Variants in WNT3 observed in about 807,000 individuals in gnomAD.
The protein encoded by WNT3 is proto-oncogene Wnt-3.
Under a neutral mutation model 34.2 loss-of-function variants are expected in WNT3, and 7 were observed. The ratio of observed to expected loss-of-function variants is 0.20; its 90% CI spans 0.12 to 0.38. WNT3 has a LOEUF of 0.38. Among genes scored for constraint, WNT3 ranks in the 10% least tolerant of loss-of-function variants. WNT3 has a pLI of 1.00. For synonymous variants in WNT3, 212 were observed against 211.5 expected (o/e 1.00, Z -0.02); for missense variants, 267 against 499.8 (o/e 0.53, Z 4.44).
At chr17:46,805,625 C>T (rs1265653804) in intron 1 of WNT3, among the ~76,000 whole-genome samples, 4 of 152,044 alleles carry the variant, frequency 2.6e-5, no homozygotes, top group African/African-American at 9.7e-5. Context: ...ATGGTGCTTG[C>T]CTGTAGTCTT....
At position 46,818,645 on chromosome 17, in the gene WNT3, G is replaced by C. The variant is rs758899890; in HGVS notation, c.-48C>G. ...GTTTGCCCGCGACCATGAAGAGGGG[G>C]AGCGACGCCCCCAATAGTTGGAACA... is the stretch of plus-strand genomic sequence containing the variant. On this transcript the variant is annotated 5_prime_UTR_variant, in exon 1 of 5. Transcript: ENST00000225512. 6.6e-7 allele frequency: 1 copy of C among 1,512,894 alleles called. No individual in the cohort carries two copies. The highest frequency in any genetic ancestry group is 1.2e-5 in the South Asian group (1 of 83,866). 93.7% of individuals were successfully genotyped at this position (1,512,894 alleles called of 1,614,324 possible). A position where few individuals can be genotyped will look rare whatever the true frequency, so the allele number is the denominator to read the frequency against.
At chr17:46,816,401 C>G (rs1460430448) in intron 1 of WNT3, among the ~76,000 whole-genome samples, 3 of 151,370 alleles carry the variant, frequency 2.0e-5, no homozygotes, top group Admixed American at 2.0e-4. Context: ...CAGTTGCAGG[C>G]ACAAACACTT....
At chr17:46,770,999 A>C (rs889531826) in intron 2 of WNT3, among the ~76,000 whole-genome samples, 6 of 152,180 alleles carry the variant, frequency 3.9e-5, no homozygotes, top group Non-Finnish European at 8.8e-5. Context: ...GGGCCGGCCT[A>C]GTCGGCAAAA....
chr17:46,809,766 T>C (rs779268923), intron 1 of WNT3, among the ~76,000 whole-genome samples: 8 of 152,076 alleles, frequency 5.3e-5, no homozygotes, highest in Non-Finnish European at 1.0e-4. Context: ...TGAACCTGGG[T>C]ATGCCCCGTG....
intron 1 of WNT3, among the ~76,000 whole-genome samples, chr17:46,812,443 C>G (rs2084289180): frequency 6.6e-6 from 1 of 152,168 alleles, no homozygotes; most frequent in East Asian, 1.9e-4. Flanking sequence ...CCTAGAGAAG[C>G]AACTTCTGCT....
intron 4 of WNT3, among the ~76,000 whole-genome samples, chr17:46,766,298 C>T (rs2059312219): frequency 6.6e-6 from 1 of 152,064 alleles, no homozygotes; most frequent in South Asian, 2.1e-4. Flanking sequence ...ATCCCAGCTA[C>T]TCGGGAGGCT....
chr17:46,771,217 G>GCCCGCGC (rs1183889537), intron 2 of WNT3, among the ~76,000 whole-genome samples: 2 of 152,144 alleles, frequency 1.3e-5, no homozygotes, highest in Non-Finnish European at 2.9e-5. Context: ...AGCTGGTCCC[G>GCCCGCGC]CCCGCGCCCC....
chr17:46,793,858 G>A (rs888972401), intron 1 of WNT3, among the ~76,000 whole-genome samples: 3 of 152,134 alleles, frequency 2.0e-5, no homozygotes, highest in Non-Finnish European at 4.4e-5. Flanking sequence ...GATTGCCATC[G>A]GCCAGGAAGT....
chr17:46,771,893 T>TGCCCCC (rs1282212413), intron 2 of WNT3, among the ~76,000 whole-genome samples: 45 of 103,398 alleles, frequency 4.4e-4, no homozygotes, highest in Non-Finnish European at 6.3e-4. Context: ...CCCCCGCCCC[T>TGCCCCC]GCCCCCGCCC....
chr17:46,815,572 C>T (rs138642240), intron 1 of WNT3, among the ~76,000 whole-genome samples: 4 of 152,130 alleles, frequency 2.6e-5, no homozygotes, highest in Non-Finnish European at 5.9e-5. Context: ...GGAGTGGGGG[C>T]AGAAATGGGA....
intron 4 of WNT3, among the ~76,000 whole-genome samples, chr17:46,765,025 A>G (rs1390632285): frequency 6.6e-6 from 1 of 152,236 alleles, no homozygotes; most frequent in African/African-American, 2.4e-5. Context: ...ACCGCACCAA[A>G]TAGCTTGATA....
chr17:46,791,881 C>T (rs2083992102), intron 1 of WNT3, among the ~76,000 whole-genome samples: 1 of 152,044 alleles, frequency 6.6e-6, no homozygotes, highest in South Asian at 2.1e-4. Flanking sequence ...CTCTACAAAA[C>T]ACAGAAAAAT....
At chr17:46,812,317 C>G (rs899649957) in intron 1 of WNT3, among the ~76,000 whole-genome samples, 2 of 152,068 alleles carry the variant, frequency 1.3e-5, no homozygotes, top group Non-Finnish European at 2.9e-5. Flanking sequence ...TGCCTCCCCA[C>G]ACATACCTCC....
At chr17:46,772,086 G>A (rs1430940946) in intron 2 of WNT3, among the ~76,000 whole-genome samples, 1 of 152,098 alleles carries the variant, frequency 6.6e-6, no homozygotes, top group Non-Finnish European at 1.5e-5. Flanking sequence ...CGGTGGTGTG[G>A]GGACTCGCCG....
intron 1 of WNT3, among the ~76,000 whole-genome samples, chr17:46,812,999 A>G (rs1210049791): frequency 6.6e-6 from 1 of 152,170 alleles, no homozygotes; most frequent in African/African-American, 2.4e-5. Context: ...GTAGTACATG[A>G]AAAAGCCAGA....
At chr17:46,790,181 G>C (rs2083964158) in intron 1 of WNT3, among the ~76,000 whole-genome samples, 1 of 152,218 alleles carries the variant, frequency 6.6e-6, no homozygotes, top group East Asian at 1.9e-4. Flanking sequence ...TCCTCCGCAG[G>C]CTCCTTGCTT....
At chr17:46,773,107 A>G (rs1429407594) in intron 2 of WNT3, among the ~76,000 whole-genome samples, 3 of 151,806 alleles carry the variant, frequency 2.0e-5, no homozygotes, top group Admixed American at 6.6e-5. Flanking sequence ...AGCCAGTTAG[A>G]CTCCCAGGCT....
At chr17:46,765,582 CA>C (rs2059305121) in intron 4 of WNT3, among the ~76,000 whole-genome samples, 1 of 152,132 alleles carries the variant, frequency 6.6e-6, no homozygotes, top group Admixed American at 6.5e-5. Flanking sequence ...TCAGGGAAGA[CA>C]AGAGAACAGC....
intron 1 of WNT3, among the ~76,000 whole-genome samples, chr17:46,776,013 A>G (rs375822773): frequency 6.6e-6 from 1 of 152,306 alleles, no homozygotes; most frequent in South Asian, 2.1e-4. Flanking sequence ...TTTAATCCTC[A>G]AAATAGCCCC....
Sources: gnomAD v4.1 joint callset for allele counts (sites outside exome capture counted in the v4.1 genomes callset) on GRCh38, gnomAD v4.1.1 for gene constraint, MANE v1.5 for transcripts, NCBI Gene and HGNC (gene_info 2026-07-23, HGNC 2026-07-21) for gene names.